The following NR3C1 variants were observed in gnomAD, a reference collection of about 807,000 sequenced individuals.
NR3C1 encodes glucocorticoid receptor.
A neutral mutation model predicts 74.0 loss-of-function variants in NR3C1; 14 were observed. The ratio of observed to expected loss-of-function variants is 0.19; its 90% CI spans 0.12 to 0.30. The LOEUF (loss-of-function observed/expected upper bound fraction) is 0.30. Among genes scored for constraint, NR3C1 ranks in the 10% least tolerant of loss-of-function variants. NR3C1 has a pLI of 1.00. For missense variants in NR3C1, 695 were observed against 909.8 expected (o/e 0.76, Z 3.04); for synonymous variants, 308 against 332.5 (o/e 0.93, Z 0.80).
chr5:143,395,515 C>T (rs1448255417), intron 2 of NR3C1, among the ~76,000 whole-genome samples: 1 of 151,820 alleles, frequency 6.6e-6, no homozygotes, highest in Non-Finnish European at 1.5e-5. Flanking sequence ...GTAAATATTG[C>T]ATTACACAAT....
rs1812814977 is a variant in NR3C1, at chr5:143,279,672, T to C, written c.*2217A>G. 1 of 365,590 alleles carries C rather than the reference T, an allele frequency of 2.7e-6. No homozygotes were observed. The highest frequency in any genetic ancestry group is 4.8e-6 in the Non-Finnish European group (1 of 207,686). The allele number at this position is 365,590 out of a possible 1,614,324, so 22.6% of individuals were successfully genotyped here. ...AAGAAAACAAAAACATGTCCTCATT[T>C]TATTTGGAAATAAACTCTTGTTGTA... On this transcript the variant is annotated 3_prime_UTR_variant, in exon 9 of 9. Coordinates refer to ENST00000394464, the MANE Select transcript of NR3C1 (RefSeq NM_000176.3).
chr5:143,355,455 G>A (rs938136437), intron 2 of NR3C1, among the ~76,000 whole-genome samples: 5 of 152,062 alleles, frequency 3.3e-5, no homozygotes, highest in African/African-American at 1.2e-4. Flanking sequence ...CAGCCTGGGT[G>A]ACAGAGCAAG....
chr5:143,333,745 C>T lies in NR3C1; in HGVS notation c.1185-19577G>A, dbSNP rs6859715. Among the ~76,000 whole-genome samples the T allele has an allele frequency of 7.6e-4, 115 of 151,970 alleles. 1 individual carries two copies. The highest frequency in any genetic ancestry group is 2.2e-3 in the African/African-American group (92 of 41,428). ...ATTGCGCCAGTGCACTCCAGCTGGG[C>T]GACAGAGCGAGACTCCATCTCAAAA... On this transcript the variant is annotated intron_variant, in intron 2 of 8. Coordinates refer to ENST00000394464, the MANE Select transcript of NR3C1 (RefSeq NM_000176.3).
chr5:143,318,021 CTTCT>C (rs558189297), intron 2 of NR3C1, among the ~76,000 whole-genome samples: 6 of 152,246 alleles, frequency 3.9e-5, no homozygotes, highest in South Asian at 2.1e-4. Context: ...GCTGACTTAA[CTTCT>C]TTGAGTCCAT....
chr5:143,363,180 T>G (rs1233074107), intron 2 of NR3C1, among the ~76,000 whole-genome samples: 1 of 152,200 alleles, frequency 6.6e-6, no homozygotes, highest in Non-Finnish European at 1.5e-5. Context: ...AATTATTAGG[T>G]GACCACTAAA....
At chr5:143,340,102 AAC>A (rs1827901666) in intron 2 of NR3C1, among the ~76,000 whole-genome samples, 4 of 152,270 alleles carry the variant, frequency 2.6e-5, no homozygotes, top group Admixed American at 1.3e-4. Flanking sequence ...TAACTAGCAA[AAC>A]ACATATACAC....
At chr5:143,404,622 CGAA>C, upstream of NR3C1, 2 of 579,464 alleles carry the variant, frequency 3.5e-6, no homozygotes, top group Non-Finnish European at 4.3e-6. Context: ...TGCTCACACT[CGAA>C]GGAAGTTGCA....
intron 2 of NR3C1, among the ~76,000 whole-genome samples, chr5:143,372,558 C>T (rs1213520257): frequency 1.3e-5 from 2 of 152,198 alleles, no homozygotes; most frequent in Non-Finnish European, 2.9e-5. Flanking sequence ...CTGCGGGTAA[C>T]TGAAACCTTG....
intron 7 of NR3C1, among the ~76,000 whole-genome samples, chr5:143,291,314 G>A (rs1386351526): frequency 2.0e-5 from 3 of 151,710 alleles, no homozygotes; most frequent in Middle Eastern, 6.8e-3. Flanking sequence ...CAACCTCTAC[G>A]TCCCAGGTTC....
chr5:143,370,267 T>C (rs185441266), intron 2 of NR3C1, among the ~76,000 whole-genome samples: 1 of 152,294 alleles, frequency 6.6e-6, no homozygotes, highest in African/African-American at 2.4e-5. Context: ...TTTAGCTGAC[T>C]TTATAGCACC....
chr5:143,404,553 G>A, upstream of NR3C1: 2 of 973,108 alleles, frequency 2.1e-6, no homozygotes, highest in Non-Finnish European at 1.2e-6. Flanking sequence ...GCGAGGCGGC[G>A]GCGGCGGCAG....
At chr5:143,430,931 A>T (rs1206454792) in intron 1 of NR3C1, among the ~76,000 whole-genome samples, 1 of 152,242 alleles carries the variant, frequency 6.6e-6, no homozygotes, top group Non-Finnish European at 1.5e-5. Flanking sequence ...CTAAAAACAC[A>T]GTCCCACATT....
chr5:143,319,469 T>TA lies in NR3C1; in HGVS notation c.1185-5302dup, dbSNP rs1822880740. On this transcript the variant is annotated intron_variant, in intron 2 of 8. Coordinates refer to ENST00000394464, the MANE Select transcript of NR3C1 (RefSeq NM_000176.3). ...TTAATATGGAAAAAAATTCCAGAAA[T>TA]ACAGCTGCTATAACTGGATTAATTT... Among the ~76,000 whole-genome samples the TA allele has an allele frequency of 3.3e-5, 5 of 152,250 alleles. No homozygotes were observed. The South Asian group carries it at 1.0e-3, about 32-fold the overall frequency.
intron 1 of NR3C1, among the ~76,000 whole-genome samples, chr5:143,424,843 A>G (rs1342028787): frequency 6.6e-6 from 1 of 152,206 alleles, no homozygotes; most frequent in African/African-American, 2.4e-5. Context: ...TACCAAGCAC[A>G]GGTCTCAGTG....
Position 143,279,574 on chromosome 5 carries a change from C to A in NR3C1, c.*2315G>T. Reference sequence around the variant, plus strand: ...TCCCTTTTAGAGAGCATTCAAAAAGCAAATGATTGTTTTTTTATTAAATAA... The same window carrying A: ...TCCCTTTTAGAGAGCATTCAAAAAGAAAATGATTGTTTTTTTATTAAATAA... On this transcript the variant is annotated 3_prime_UTR_variant, in exon 9 of 9. Coordinates refer to ENST00000394464, the MANE Select transcript of NR3C1 (RefSeq NM_000176.3). 1 of 512,024 alleles carries A rather than the reference C, an allele frequency of 2.0e-6. No homozygotes were observed. The allele number at this position is 512,024 out of a possible 1,614,324, so 31.7% of individuals were successfully genotyped here.
intron 2 of NR3C1, among the ~76,000 whole-genome samples, chr5:143,366,346 T>C (rs1833175553): frequency 6.6e-6 from 1 of 151,912 alleles, no homozygotes; most frequent in Non-Finnish European, 1.5e-5. Flanking sequence ...CCGTCTCTAC[T>C]AAAAATATAA....
At chr5:143,405,248 A>G (rs1254748074), upstream of NR3C1, 8 of 985,746 alleles carry the variant, frequency 8.1e-6, no homozygotes, top group Non-Finnish European at 8.4e-6. Context: ...CACAGGTGAC[A>G]TCGCTTGCCA....
upstream of NR3C1, chr5:143,405,453 G>T (rs536198785): frequency 2.9e-6 from 2 of 697,338 alleles, no homozygotes; most frequent in Non-Finnish European, 3.5e-6. Flanking sequence ...TCGCCAGCCC[G>T]TCCCCGCGGC....
At chr5:143,421,815 C>T (rs907512596) in intron 1 of NR3C1, among the ~76,000 whole-genome samples, 1 of 151,982 alleles carries the variant, frequency 6.6e-6, no homozygotes, top group Non-Finnish European at 1.5e-5. Flanking sequence ...CATAGCCTGG[C>T]ACATAATAAG....
Sources: allele counts gnomAD v4.1 joint callset (sites outside exome capture counted in the v4.1 genomes callset), GRCh38; gene constraint gnomAD v4.1.1; transcripts MANE v1.5; gene names NCBI Gene and HGNC (gene_info 2026-07-23, HGNC 2026-07-21).